MSI2: variants seen among roughly 807,000 people sequenced by gnomAD.
MSI2 encodes the protein musashi RNA binding protein 2.
In MSI2, 17 loss-of-function variants were observed where a neutral mutation model predicts 45.6. The ratio of observed to expected loss-of-function variants is 0.37; its 90% CI spans 0.26 to 0.56. The LOEUF (loss-of-function observed/expected upper bound fraction) is 0.56. Among genes scored for constraint, MSI2 ranks in the 20% least tolerant of loss-of-function variants. MSI2 has a pLI of 0.77. For missense variants in MSI2, 293 were observed against 444.2 expected, an observed-to-expected ratio of 0.66 and a Z score of 3.06; for synonymous variants, 156 against 158.2, an observed-to-expected ratio of 0.99 and a Z score of 0.11.
At chr17:57,349,173 G>A (rs62058055) in intron 5 of MSI2, among the ~76,000 whole-genome samples, 75 of 152,146 alleles carry the variant, frequency 4.9e-4, no homozygotes, top group African/African-American at 1.8e-3. Flanking sequence ...CCAGGCTCTC[G>A]TCTCGGAGCC....
chr17:57,679,579 C>T lies in MSI2; in HGVS notation c.*62C>T, dbSNP rs1008651283. On this transcript the variant is annotated 3_prime_UTR_variant, in exon 14 of 14. Coordinates refer to ENST00000284073, the MANE Select transcript of MSI2 (RefSeq NM_138962.4). ...ACCTGGATGTCCAGGCAAGACTGGG[C>T]GAAGTTTCTGAGTGGCCCTTTGTTT... The T allele has an allele frequency of 6.6e-6, 7 of 1,060,258 alleles. No individual in the cohort carries two copies. Among genetic ancestry groups the T allele is most frequent in the African/African-American group, 3.3e-5 (2 of 60,774 alleles). 65.7% of individuals were successfully genotyped at this position (1,060,258 alleles called of 1,614,324 possible). A position where few individuals can be genotyped will look rare whatever the true frequency, so the allele number is the denominator to read the frequency against.
In MSI2 at chr17:57,413,070, C is replaced by T. The variant is rs554455366; in HGVS notation, c.405+11599C>T. On this transcript the variant is annotated intron_variant, in intron 6 of 13. Transcript: ENST00000284073. The stretch of plus-strand genomic sequence containing the variant: ...CATGAGCTGGTGGTGTTATTTTCAA[C>T]GTTGGAGACTCAGGTCCTCTGAGAC... 3.9e-5 allele frequency among the ~76,000 whole-genome samples: 6 copies of T among 152,308 alleles called. No homozygotes were observed. In the South Asian group the frequency reaches 8.3e-4, roughly 21 times the overall value.
At chr17:57,648,423 A>G (rs1385203292) in intron 10 of MSI2, among the ~76,000 whole-genome samples, 2 of 152,192 alleles carry the variant, frequency 1.3e-5, no homozygotes, top group Admixed American at 6.5e-5. Flanking sequence ...CAAAGAGAGC[A>G]TAAGCACCTT....
chr17:57,272,645 C>A (rs113507723), intron 5 of MSI2, among the ~76,000 whole-genome samples: 3,019 of 152,228 alleles, frequency 0.02, 91 homozygotes, highest in African/African-American at 0.069. Flanking sequence ...AAGCTGCAAC[C>A]TTGGGGGTAG....
chr17:57,653,238 G>A (rs913266850), intron 11 of MSI2, among the ~76,000 whole-genome samples: 6 of 152,196 alleles, frequency 3.9e-5, no homozygotes, highest in African/African-American at 9.7e-5. Flanking sequence ...GTAAAAATCC[G>A]TTCCATGCAA....
At chr17:57,380,327 C>T (rs2083577633) in intron 5 of MSI2, among the ~76,000 whole-genome samples, 2 of 152,306 alleles carry the variant, frequency 1.3e-5, no homozygotes, top group East Asian at 1.9e-4. Context: ...CTTTAACCCA[C>T]AGCGGGCGGC....
At chr17:57,668,638 T>A (rs1039222121) in intron 11 of MSI2, among the ~76,000 whole-genome samples, 1 of 152,114 alleles carries the variant, frequency 6.6e-6, no homozygotes, top group Admixed American at 6.5e-5. Context: ...ATGTGTCCCG[T>A]GCAGTGTGTA....
chr17:57,472,640 C>T (rs886584442), intron 6 of MSI2, among the ~76,000 whole-genome samples: 1 of 152,188 alleles, frequency 6.6e-6, no homozygotes, highest in Non-Finnish European at 1.5e-5. Flanking sequence ...CTTTATTTTG[C>T]TCATCTGTAA....
At chr17:57,491,308 C>T (rs2085867372) in intron 6 of MSI2, among the ~76,000 whole-genome samples, 1 of 152,154 alleles carries the variant, frequency 6.6e-6, no homozygotes, top group Non-Finnish European at 1.5e-5. Context: ...AGTGAATGAG[C>T]GAAGGAACTC....
chr17:57,391,570 C>G (rs1020036779), intron 5 of MSI2, among the ~76,000 whole-genome samples: 4 of 152,138 alleles, frequency 2.6e-5, no homozygotes, highest in African/African-American at 9.7e-5. Flanking sequence ...ATCGTGCCAC[C>G]ATTTCTAGGG....
At chr17:57,578,797 A>G (rs954726540) in intron 7 of MSI2, among the ~76,000 whole-genome samples, 4 of 152,052 alleles carry the variant, frequency 2.6e-5, no homozygotes, top group Non-Finnish European at 5.9e-5. Context: ...AACAGTAACA[A>G]ATCATTATAA....
chr17:57,510,004 T>C lies in MSI2; in HGVS notation c.406-19672T>C, dbSNP rs183535557. Among the ~76,000 whole-genome samples, 40 of 152,214 alleles carry C rather than the reference T, an allele frequency of 2.6e-4. 1 individual carries two copies. Among genetic ancestry groups the C allele is most frequent in the African/African-American group, 9.7e-4 (40 of 41,446 alleles). ...GTCTGTTTCAGCTTGCCTCTTCACC[T>C]GGGGCATGGGAGGCAGAAAGGGTGC... On this transcript the variant is annotated intron_variant, in intron 6 of 13. Transcript: ENST00000284073.
intron 10 of MSI2, among the ~76,000 whole-genome samples, chr17:57,634,986 G>T (rs1158969188): frequency 6.6e-6 from 1 of 152,242 alleles, no homozygotes; most frequent in Non-Finnish European, 1.5e-5. Context: ...AGTTTCAGCT[G>T]CCTGGAAACC....
At chr17:57,581,290 G>A (rs2088200698) in intron 7 of MSI2, among the ~76,000 whole-genome samples, 1 of 152,110 alleles carries the variant, frequency 6.6e-6, no homozygotes, top group Non-Finnish European at 1.5e-5. Context: ...TGGGATTACA[G>A]GTGTGAGCCA....
At chr17:57,465,349 G>C (rs1353735486) in intron 6 of MSI2, among the ~76,000 whole-genome samples, 1 of 151,966 alleles carries the variant, frequency 6.6e-6, no homozygotes, top group Non-Finnish European at 1.5e-5. Context: ...ATGAGAGTCA[G>C]CTCACATCAC....
chr17:57,434,642 G>T (rs2084659061), intron 6 of MSI2, among the ~76,000 whole-genome samples: 1 of 151,984 alleles, frequency 6.6e-6, no homozygotes, highest in Non-Finnish European at 1.5e-5. Context: ...CCACATGTAA[G>T]TGAGATCATG....
intron 7 of MSI2, among the ~76,000 whole-genome samples, chr17:57,553,221 G>GCT (rs2087348047): frequency 6.6e-6 from 1 of 152,200 alleles, no homozygotes; most frequent in South Asian, 2.1e-4. Flanking sequence ...AGGCTCATGG[G>GCT]CACAGAGCAC....
chr17:57,606,658 C>CT (rs1906615208), intron 8 of MSI2, among the ~76,000 whole-genome samples: 1 of 152,116 alleles, frequency 6.6e-6, no homozygotes, highest in Non-Finnish European at 1.5e-5. Context: ...CACCCAGCCG[C>CT]TGCTTGGTAA....
chr17:57,583,842 C>CCCCT (rs2088273551), intron 7 of MSI2, among the ~76,000 whole-genome samples: 4 of 152,166 alleles, frequency 2.6e-5, no homozygotes, highest in Admixed American at 2.6e-4. Flanking sequence ...TGGGGTGCTA[C>CCCCT]CCCTAACTCA....
Sources: allele counts gnomAD v4.1 joint callset (sites outside exome capture counted in the v4.1 genomes callset), GRCh38; gene constraint gnomAD v4.1.1; transcripts MANE v1.5; gene names NCBI Gene and HGNC (gene_info 2026-07-23, HGNC 2026-07-21).